Variants in PRELID2 observed in about 807,000 individuals in gnomAD.
PRELID2 encodes PRELI domain-containing protein 2.
PRELID2 carries 25 observed loss-of-function variants against 28.4 expected under a neutral mutation model. The observed-to-expected ratio is 0.88, with a 90% confidence interval of 0.64 to 1.23. PRELID2 has a LOEUF of 1.23. Among genes scored for constraint, PRELID2 ranks in the 50% most tolerant of loss-of-function variants. PRELID2 has a pLI of 0.00. For missense variants in PRELID2, 201 were observed against 214.4 expected, an observed-to-expected ratio of 0.94 and a Z score of 0.39; for synonymous variants, 76 against 71.6, an observed-to-expected ratio of 1.06 and a Z score of -0.31.
the PRELID2 span, among the ~76,000 whole-genome samples, chr5:145,303,482 G>A: frequency 6.6e-6 from 1 of 152,086 alleles, no homozygotes; most frequent in East Asian, 1.9e-4. Flanking sequence ...AGAACTCATG[G>A]TGCCCTGGGA....
chr5:145,805,983 T>C (rs1463082900), intron 4 of PRELID2, among the ~76,000 whole-genome samples: 1 of 152,204 alleles, frequency 6.6e-6, no homozygotes, highest in East Asian at 1.9e-4. Context: ...CCATGAATGA[T>C]GGAGCCTGCA....
rs1402973029 is a variant in PRELID2 at position 145,757,831 on chromosome 5, A to G, written c.*2705T>C. ...AAAAGTAAATGAAAAAAAAAAAAAA[A>G]AAGACCATAAAATTTCTAAGCCATA... On this transcript the variant is annotated 3_prime_UTR_variant, in exon 7 of 7. Coordinates refer to ENST00000683046, the MANE Select transcript of PRELID2 (RefSeq NM_205846.3). 6.6e-6 allele frequency among the ~76,000 whole-genome samples: 1 copy of G among 151,760 alleles called. No homozygotes were observed. The highest frequency in any genetic ancestry group is 1.9e-4 in the East Asian group (1 of 5,170).
the PRELID2 span, among the ~76,000 whole-genome samples, chr5:145,422,863 G>A: frequency 6.6e-6 from 1 of 151,508 alleles, no homozygotes; most frequent in Non-Finnish European, 1.5e-5. Flanking sequence ...TGATTTTGCA[G>A]TGGCTGGTAC....
the PRELID2 span, among the ~76,000 whole-genome samples, chr5:145,430,745 T>C: frequency 1.4e-3 from 219 of 152,300 alleles, no homozygotes; most frequent in African/African-American, 5.3e-3. Flanking sequence ...ATGCTGTGCA[T>C]TCTCACAGGG....
the PRELID2 span, among the ~76,000 whole-genome samples, chr5:145,365,786 G>T: frequency 1.8e-4 from 28 of 152,006 alleles, no homozygotes; most frequent in African/African-American, 6.3e-4. Flanking sequence ...AGGACAAGAT[G>T]ATCTTTCAGA....
intron 1 of PRELID2, among the ~76,000 whole-genome samples, chr5:145,551,895 ACCCACAG>A (rs1312389833): frequency 1.3e-5 from 2 of 152,106 alleles, no homozygotes; most frequent in Non-Finnish European, 2.9e-5. Flanking sequence ...GACACAGCCA[ACCCACAG>A]CCCAGCAGGG....
intron 1 of PRELID2, among the ~76,000 whole-genome samples, chr5:145,730,066 C>G (rs937263727): frequency 9.9e-5 from 15 of 152,106 alleles, no homozygotes; most frequent in African/African-American, 3.4e-4. Context: ...GCCAGCAAGT[C>G]TAGACACATT....
intron 1 of PRELID2, among the ~76,000 whole-genome samples, chr5:145,699,383 A>G (rs1047179304): frequency 6.6e-6 from 1 of 152,090 alleles, no homozygotes. Context: ...ACACTTCTGT[A>G]CACACACACA....
At chr5:145,423,132 A>T in the PRELID2 span, among the ~76,000 whole-genome samples, 1 of 151,924 alleles carries the variant, frequency 6.6e-6, no homozygotes. Context: ...CTTCCCTGTG[A>T]GGGTAACCCA....
the PRELID2 span, among the ~76,000 whole-genome samples, chr5:145,453,341 A>G: frequency 1.3e-5 from 2 of 152,196 alleles, no homozygotes; most frequent in African/African-American, 2.4e-5. Flanking sequence ...CAAAACTCAC[A>G]TTCATCAGAC....
At chr5:145,360,737 T>C in the PRELID2 span, among the ~76,000 whole-genome samples, 7 of 152,200 alleles carry the variant, frequency 4.6e-5, no homozygotes, top group Non-Finnish European at 1.0e-4. Flanking sequence ...CTATTTGATA[T>C]GGAGTTATAA....
chr5:145,802,887 A>G (rs749014919), intron 4 of PRELID2, among the ~76,000 whole-genome samples: 6 of 152,212 alleles, frequency 3.9e-5, no homozygotes, highest in Non-Finnish European at 8.8e-5. Flanking sequence ...TGGATCAGGA[A>G]TTAATCCCCA....
At chr5:145,831,529 G>A (rs1755585817) in intron 1 of PRELID2, among the ~76,000 whole-genome samples, 1 of 152,180 alleles carries the variant, frequency 6.6e-6, no homozygotes, top group African/African-American at 2.4e-5. Context: ...CTGACTACCA[G>A]TTCATGGCTT....
At chr5:145,550,351 T>C (rs1388884548) in intron 1 of PRELID2, among the ~76,000 whole-genome samples, 3 of 152,168 alleles carry the variant, frequency 2.0e-5, no homozygotes, top group Admixed American at 6.5e-5. Flanking sequence ...TACCAGGACC[T>C]ATTAAACCAG....
At chr5:145,296,270 C>A in the PRELID2 span, among the ~76,000 whole-genome samples, 55 of 151,610 alleles carry the variant, frequency 3.6e-4, no homozygotes, top group Middle Eastern at 0.01. Flanking sequence ...ATACATGTGC[C>A]ATGCTGGTGT....
At chr5:145,332,238 T>C in the PRELID2 span, among the ~76,000 whole-genome samples, 3 of 152,224 alleles carry the variant, frequency 2.0e-5, no homozygotes, top group African/African-American at 7.2e-5. Context: ...CTGAGGATTA[T>C]GTGTCTTGGG....
chr5:145,539,524 C>T (rs1358623860), intron 1 of PRELID2, among the ~76,000 whole-genome samples: 2 of 151,788 alleles, frequency 1.3e-5, no homozygotes, highest in African/African-American at 4.8e-5. Context: ...ACTATCTCAC[C>T]CTGTTTTTTT....
intron 1 of PRELID2, among the ~76,000 whole-genome samples, chr5:145,613,001 G>T (rs763419882): frequency 1.2e-4 from 19 of 152,152 alleles, no homozygotes; most frequent in Non-Finnish European, 2.1e-4. Context: ...CCAGCAATTG[G>T]TATAAAAATA....
chr5:145,787,478 C>T (rs573806216), intron 5 of PRELID2, among the ~76,000 whole-genome samples: 2 of 152,184 alleles, frequency 1.3e-5, no homozygotes, highest in African/African-American at 4.8e-5. Flanking sequence ...ACAAAAGCTC[C>T]CTAAATAGTA....
Sources: allele counts gnomAD v4.1 joint callset (sites outside exome capture counted in the v4.1 genomes callset), GRCh38; gene constraint gnomAD v4.1.1; transcripts MANE v1.5; gene names NCBI Gene and HGNC (gene_info 2026-07-23, HGNC 2026-07-21).